The following SHLD2 variants were observed in gnomAD, a reference collection of about 807,000 sequenced individuals.
SHLD2 encodes shieldin complex subunit 2.
A neutral mutation model predicts 73.2 loss-of-function variants in SHLD2; 30 were observed. The ratio of observed to expected loss-of-function variants is 0.41; its 90% confidence interval spans 0.31 to 0.56. The LOEUF is 0.56. Among genes scored for constraint, SHLD2 ranks in the 20% least tolerant of loss-of-function variants. The probability of loss-of-function intolerance (pLI) is 0.28; values close to 1 mark genes in which losing one functional copy is unlikely to be tolerated. For missense variants in SHLD2, 745 were observed against 1,055.9 expected, an observed-to-expected ratio of 0.71 and a Z score of 4.08; for synonymous variants, 285 against 370.1, an observed-to-expected ratio of 0.77 and a Z score of 2.64.
At chr10:87,126,474 A>G (rs2259968) in intron 2 of SHLD2, among the ~76,000 whole-genome samples, 1 of 152,146 alleles carries the variant, frequency 6.6e-6, no homozygotes, top group Non-Finnish European at 1.5e-5. Flanking sequence ...TTAAGTTTGC[A>G]GTTGATAACC....
At chr10:87,096,158 G>A (rs1841859766) in intron 1 of SHLD2, among the ~76,000 whole-genome samples, 1 of 127,970 alleles carries the variant, frequency 7.8e-6, no homozygotes, top group Admixed American at 7.7e-5. Flanking sequence ...CGATTCTCCT[G>A]CCTCAGCCTC....
chr10:87,180,764 T>C (rs541586962), intron 8 of SHLD2, among the ~76,000 whole-genome samples: 2 of 152,354 alleles, frequency 1.3e-5, no homozygotes, highest in Non-Finnish European at 2.9e-5. Flanking sequence ...AAACTGCTAA[T>C]CAGCTCAGTG....
In SHLD2 at chr10:87,190,758, C is replaced by G; in HGVS notation, c.*75C>G. On this transcript the variant is annotated 3_prime_UTR_variant, in exon 10 of 10. Coordinates refer to ENST00000298786, the MANE Select transcript of SHLD2 (RefSeq NM_001330112.2). ...TTTGTCTTTTGAAATAAATGAATGA[C>G]AGGGCTTTTGCTTTGGATTTTTTAT... 1 of 1,237,812 alleles carries G rather than the reference C, an allele frequency of 8.1e-7. No homozygotes were observed. The highest frequency in any genetic ancestry group is 1.3e-5 in the South Asian group (1 of 79,842). 76.7% of individuals were successfully genotyped at this position (1,237,812 alleles called of 1,614,324 possible).
chr10:87,183,171 G>A (rs1278307443), intron 8 of SHLD2, among the ~76,000 whole-genome samples: 1 of 152,214 alleles, frequency 6.6e-6, no homozygotes, highest in Admixed American at 6.5e-5. Flanking sequence ...AAAATAGTTT[G>A]CAAGATGTAG....
chr10:87,101,646 C>T (rs1050221077), intron 2 of SHLD2, among the ~76,000 whole-genome samples: 14 of 152,190 alleles, frequency 9.2e-5, no homozygotes, highest in Non-Finnish European at 1.5e-5. Flanking sequence ...TGGTGGCTCA[C>T]GCCTGTAATC....
intron 2 of SHLD2, among the ~76,000 whole-genome samples, chr10:87,107,288 C>T (rs1239330276): frequency 6.6e-6 from 1 of 152,024 alleles, no homozygotes; most frequent in Non-Finnish European, 1.5e-5. Context: ...GTAGTGCGCC[C>T]TTGTAATCCC....
chr10:87,129,808 C>G (rs1015451085), intron 2 of SHLD2, among the ~76,000 whole-genome samples: 2 of 151,722 alleles, frequency 1.3e-5, no homozygotes, highest in African/African-American at 2.4e-5. Context: ...TTTTAGTAGA[C>G]AAGGTCTCGC....
chr10:87,178,632 C>T (rs969515623), intron 7 of SHLD2, among the ~76,000 whole-genome samples: 2 of 151,716 alleles, frequency 1.3e-5, no homozygotes, highest in African/African-American at 2.4e-5. Context: ...GGGAGGATCA[C>T]TTGTGCCCAG....
chr10:87,103,359 AGCATAGGCAAAGCTTAAAGATAAAT>A (rs1842393445), intron 2 of SHLD2, among the ~76,000 whole-genome samples: 1 of 152,218 alleles, frequency 6.6e-6, no homozygotes. Context: ...CTATGGAAAC[AGCATAGGCAAAGCTTAAAGATAAAT>A]GAGACCATGG....
At chr10:87,183,440 C>G (rs959106911) in intron 8 of SHLD2, among the ~76,000 whole-genome samples, 2 of 152,116 alleles carry the variant, frequency 1.3e-5, no homozygotes, top group African/African-American at 4.8e-5. Flanking sequence ...GTTTTTCCTT[C>G]TTAATCTTCA....
chr10:87,161,384 G>A (rs1325086563), intron 4 of SHLD2, among the ~76,000 whole-genome samples: 1 of 152,176 alleles, frequency 6.6e-6, no homozygotes, highest in Non-Finnish European at 1.5e-5. Flanking sequence ...GGATGAGGTT[G>A]CAGTGAGCTG....
chr10:87,164,628 G>A (rs1396950639), intron 4 of SHLD2, among the ~76,000 whole-genome samples: 1 of 152,010 alleles, frequency 6.6e-6, no homozygotes. Flanking sequence ...GCAAATTCAG[G>A]ATAAGCCTGG....
At chr10:87,158,737 GAAATA>G (rs775576548) in intron 4 of SHLD2, among the ~76,000 whole-genome samples, 46 of 152,076 alleles carry the variant, frequency 3.0e-4, no homozygotes, top group Non-Finnish European at 4.7e-4. Context: ...CCTCCTCTAG[GAAATA>G]AAATAACATA....
intron 2 of SHLD2, among the ~76,000 whole-genome samples, chr10:87,100,851 G>A (rs1399492596): frequency 2.0e-5 from 3 of 151,996 alleles, no homozygotes; most frequent in Non-Finnish European, 4.4e-5. Flanking sequence ...TCCAAGATTG[G>A]TTATTCTATC....
intron 2 of SHLD2, among the ~76,000 whole-genome samples, chr10:87,151,074 C>T (rs12354461): frequency 0.33 from 49,689 of 151,944 alleles, 8,704 homozygotes; most frequent in South Asian, 0.47. Context: ...CCACCCGCCT[C>T]GGCCTCCCAA....
chr10:87,186,320 T>G (rs1276139669), intron 8 of SHLD2, among the ~76,000 whole-genome samples: 1 of 152,226 alleles, frequency 6.6e-6, no homozygotes. Context: ...TCTCAATTTA[T>G]TTTTTAAAAA....
intron 2 of SHLD2, among the ~76,000 whole-genome samples, chr10:87,103,822 C>T (rs1842420209): frequency 6.6e-6 from 1 of 152,122 alleles, no homozygotes; most frequent in African/African-American, 2.4e-5. Flanking sequence ...GAGTAACAGT[C>T]AACAAAGGTT....
intron 8 of SHLD2, among the ~76,000 whole-genome samples, chr10:87,186,599 C>T (rs1848634193): frequency 6.8e-6 from 1 of 147,614 alleles, no homozygotes; most frequent in Non-Finnish European, 1.5e-5. Context: ...GTGCTCCTTC[C>T]CTAATAGCAC....
At chr10:87,101,598 C>T (rs528822413) in intron 2 of SHLD2, among the ~76,000 whole-genome samples, 5 of 152,266 alleles carry the variant, frequency 3.3e-5, no homozygotes, top group Admixed American at 6.5e-5. Context: ...AGATTGTTCA[C>T]TGTGAATATA....
Sources: allele counts gnomAD v4.1 joint callset (sites outside exome capture counted in the v4.1 genomes callset), GRCh38; gene constraint gnomAD v4.1.1; transcripts MANE v1.5; gene names NCBI Gene and HGNC (gene_info 2026-07-23, HGNC 2026-07-21).